SPATA13: variants seen among roughly 807,000 people sequenced by gnomAD.
The protein encoded by SPATA13 is spermatogenesis associated 13, also known as spermatogenesis-associated protein 13.
Under a neutral mutation model 104.0 loss-of-function variants are expected in SPATA13, and 50 were observed. That is an observed-to-expected ratio of 0.48 (90% CI 0.38 to 0.61). SPATA13 has a LOEUF of 0.61. SPATA13 is among the 20% of genes least tolerant of loss of function. SPATA13 has a pLI of 0.00. For missense variants in SPATA13, 1,524 were observed against 1,690.6 expected (o/e 0.90, Z 1.73); for synonymous variants, 606 against 667.5 (o/e 0.91, Z 1.42).
chr13:24,197,002 T>G (rs1204590856), intron 1 of SPATA13, among the ~76,000 whole-genome samples: 1 of 152,154 alleles, frequency 6.6e-6, no homozygotes, highest in Non-Finnish European at 1.5e-5. Flanking sequence ...AAAGAGGAAC[T>G]TAGTTCTGTA....
intron 5 of SPATA13, among the ~76,000 whole-genome samples, chr13:24,284,847 C>T (rs1413301837): frequency 6.6e-6 from 1 of 152,152 alleles, no homozygotes; most frequent in African/African-American, 2.4e-5. Flanking sequence ...ATGTAATTCT[C>T]ACAACTGATC....
chr13:24,260,145 A>T (rs1873986368), intron 4 of SPATA13, among the ~76,000 whole-genome samples: 1 of 152,172 alleles, frequency 6.6e-6, no homozygotes, highest in Admixed American at 6.5e-5. Context: ...CTGAGTAGAA[A>T]CGGGGAGCAT....
chr13:24,003,374 T>C (rs9551036), intron 2 of SPATA13, among the ~76,000 whole-genome samples: 23,914 of 152,012 alleles, frequency 0.16, 2,547 homozygotes, highest in East Asian at 0.51. Flanking sequence ...CAAGAGAAGG[T>C]GGTAAAAAGA....
chr13:24,038,164 C>T (rs1026216395), intron 3 of SPATA13, among the ~76,000 whole-genome samples: 26 of 152,292 alleles, frequency 1.7e-4, no homozygotes, highest in Admixed American at 9.8e-4. Flanking sequence ...CCGCCTGCCT[C>T]GACCTCCGAA....
Position 24,144,082 on chromosome 13 carries a change from A to C in SPATA13, c.-111-78737A>C, listed in dbSNP as rs564794709. Among the ~76,000 whole-genome samples, 256 of 152,240 alleles carry C rather than the reference A, an allele frequency of 1.7e-3. 1 individual carries two copies. Among genetic ancestry groups the C allele is most frequent in the Non-Finnish European group, 3.3e-3 (222 of 68,008 alleles). Reference sequence around the variant, plus strand: ...CCCGACTGTGAATGTTCATGAGCTGAATGTGCACTAACTCAGTGGCCCCAG... The same window carrying C: ...CCCGACTGTGAATGTTCATGAGCTGCATGTGCACTAACTCAGTGGCCCCAG... On this transcript the variant is annotated intron_variant, in intron 3 of 14. Coordinates refer to the SPATA13 transcript ENST00000424834.
intron 3 of SPATA13, among the ~76,000 whole-genome samples, chr13:24,067,353 T>C (rs1355449475): frequency 6.6e-6 from 1 of 152,214 alleles, no homozygotes; most frequent in African/African-American, 2.4e-5. Flanking sequence ...GTACCCTTTG[T>C]AAGTCAAGGA....
chr13:24,149,928 T>G (rs1882047803), intron 3 of SPATA13, among the ~76,000 whole-genome samples: 1 of 151,916 alleles, frequency 6.6e-6, no homozygotes, highest in South Asian at 2.1e-4. Context: ...TGGGAAGGCC[T>G]GCATCCAGGG....
intron 1 of SPATA13, among the ~76,000 whole-genome samples, chr13:24,189,921 T>A (rs376848220): frequency 4.4e-4 from 6 of 13,766 alleles, no homozygotes; most frequent in East Asian, 3.4e-3. Context: ...ATAATATATA[T>A]TATATAATTA....
intron 2 of SPATA13, among the ~76,000 whole-genome samples, chr13:24,247,175 G>A (rs556425242): frequency 1.3e-5 from 2 of 152,124 alleles, no homozygotes; most frequent in East Asian, 1.9e-4. Flanking sequence ...TCTGGGTGCC[G>A]TCAGTGGAGA....
intron 1 of SPATA13, among the ~76,000 whole-genome samples, chr13:24,200,779 G>A (rs1178683910): frequency 6.6e-6 from 1 of 150,736 alleles, no homozygotes; most frequent in African/African-American, 2.4e-5. Context: ...GGTCACCTCC[G>A]GGTCATAAAA....
At chr13:24,061,191 A>G (rs748689413) in intron 3 of SPATA13, among the ~76,000 whole-genome samples, 1 of 152,242 alleles carries the variant, frequency 6.6e-6, no homozygotes, top group Non-Finnish European at 1.5e-5. Context: ...CACACCAGTC[A>G]GAATGACTGT....
chr13:24,102,772 C>A (rs1880299424), intron 3 of SPATA13, among the ~76,000 whole-genome samples: 1 of 152,188 alleles, frequency 6.6e-6, no homozygotes, highest in African/African-American at 2.4e-5. Flanking sequence ...CCACGCCCAG[C>A]CACTTCACAG....
chr13:23,988,200 GCCT>G (rs1390073458), intron 2 of SPATA13, among the ~76,000 whole-genome samples: 2 of 152,152 alleles, frequency 1.3e-5, no homozygotes, highest in African/African-American at 4.8e-5. Context: ...GCCTGCCTTG[GCCT>G]CCTGAAGTGC....
intron 3 of SPATA13, among the ~76,000 whole-genome samples, chr13:24,072,327 C>T (rs1450262977): frequency 6.6e-6 from 1 of 152,148 alleles, no homozygotes; most frequent in Non-Finnish European, 1.5e-5. Flanking sequence ...ATCTTTCTAC[C>T]TGGATAAACT....
chr13:24,222,127 T>C (rs2138608838), intron 1 of SPATA13, among the ~76,000 whole-genome samples: 1 of 152,304 alleles, frequency 6.6e-6, no homozygotes, highest in East Asian at 1.9e-4. Flanking sequence ...ATTTCTAATA[T>C]ACTTCAGCAG....
chr13:24,011,617 T>C lies in SPATA13; in HGVS notation c.-146-6050T>C, dbSNP rs1876473659. ...TGTCCCATGCACCAGGACCCTCAGA[T>C]CCACCAACAAGGCACTGGCCCTGTC... On this transcript the variant is annotated intron_variant, in intron 2 of 14. Transcript: ENST00000424834. The surrounding 1 kb of genome is among the most constrained non-coding windows in gnomAD (Gnocchi z 4.3). 6.6e-6 allele frequency among the ~76,000 whole-genome samples: 1 copy of C among 152,176 alleles called. No individual in the cohort carries two copies. The highest frequency in any genetic ancestry group is 1.5e-5 in the Non-Finnish European group (1 of 68,028).
At position 24,249,585 on chromosome 13, in the gene SPATA13, C is replaced by T. The variant is rs962645004; in HGVS notation, c.1762C>T (p.Arg588Trp). The T allele has an allele frequency of 6.2e-7, 1 of 1,613,892 alleles. No individual in the cohort carries two copies. The highest frequency in any genetic ancestry group is 1.3e-5 in the African/African-American group (1 of 74,922). The stretch of plus-strand genomic sequence containing the variant: ...GGGCTCTGGGAGACGGCCAAGGCCT[C>T]GGCCATTCTCTGACTACGGCCAGCT... Reference protein sequence around the residue: ...RWGSGRRPRPRPFSDYGQLAS... With the variant: ...RWGSGRRPRPWPFSDYGQLAS... The change falls in exon 3 of 13, where the codon CGG becomes TGG. Residue 588 changes from arginine to tryptophan, a missense_variant. By Grantham distance (101) the Arg-to-Trp change is moderately radical (BLOSUM62 -3). Around this residue, in one of 2 missense-constraint regions of SPATA13, gnomAD observed 1,089 missense variants for 1,135.9 expected, o/e 0.96. Coordinates refer to ENST00000382108, the MANE Select transcript of SPATA13 (RefSeq NM_001166271.3).
intron 4 of SPATA13, among the ~76,000 whole-genome samples, chr13:24,269,788 T>C (rs1272331260): frequency 7.3e-6 from 1 of 137,488 alleles, no homozygotes; most frequent in Non-Finnish European, 1.5e-5. Context: ...AGGACCTTGC[T>C]ATGTTGCCCA....
intron 1 of SPATA13, among the ~76,000 whole-genome samples, chr13:24,173,572 T>C (rs1243733208): frequency 6.6e-6 from 1 of 150,624 alleles, no homozygotes; most frequent in East Asian, 2.0e-4. Flanking sequence ...CCATGAAGCA[T>C]AATGTTAGCT....
Sources: gnomAD v4.1 joint callset for allele counts (sites outside exome capture counted in the v4.1 genomes callset) on GRCh38, gnomAD v4.1.1 for gene constraint, gnomAD v4.1.1 regional missense constraint, Gnocchi (gnomAD v3.1) non-coding constraint, MANE v1.5 for transcripts, NCBI Gene and HGNC (gene_info 2026-07-23, HGNC 2026-07-21) for gene names.